Variants in CADM2 observed in about 807,000 individuals in gnomAD.
CADM2 encodes cell adhesion molecule 2, also known as immunoglobulin superfamily member 4D.
A neutral mutation model predicts 49.8 loss-of-function variants in CADM2; 12 were observed. The observed-to-expected ratio is 0.24, with a 90% confidence interval of 0.15 to 0.39. The LOEUF is 0.39. Ranked by LOEUF, CADM2 falls within the 10% of genes least tolerant of loss-of-function variation. The pLI is 1.00. For missense variants in CADM2, 378 were observed against 492.3 expected (o/e 0.77, Z 2.20); for synonymous variants, 214 against 175.4 (o/e 1.22, Z -1.74).
intron 1 of CADM2, among the ~76,000 whole-genome samples, chr3:85,262,165 A>C (rs1393688259): frequency 6.6e-6 from 1 of 152,128 alleles, no homozygotes; most frequent in Non-Finnish European, 1.5e-5. Context: ...ACCATATTAA[A>C]TTTCAGGGAA....
At chr3:85,985,098 C>T (rs1020656176) in intron 8 of CADM2, among the ~76,000 whole-genome samples, 3 of 151,816 alleles carry the variant, frequency 2.0e-5, no homozygotes, top group African/African-American at 7.3e-5. Context: ...GTTTGGGGTG[C>T]TATAATGAAA....
intron 1 of CADM2, among the ~76,000 whole-genome samples, chr3:84,961,662 C>T (rs781596192): frequency 9.9e-5 from 15 of 151,768 alleles, no homozygotes; most frequent in Non-Finnish European, 1.8e-4. Context: ...CGGCGTGTGC[C>T]GTGTTGGGGG....
chr3:85,307,361 A>T (rs989778364), intron 1 of CADM2, among the ~76,000 whole-genome samples: 3 of 151,670 alleles, frequency 2.0e-5, no homozygotes, highest in Non-Finnish European at 4.4e-5. Context: ...ACTTGGCCTG[A>T]TGAAAGAGTG....
At chr3:85,385,800 C>CTTTTTTTTTT (rs3086134) in intron 1 of CADM2, 1 of 127,506 alleles carries the variant, frequency 7.8e-6, no homozygotes. Context: ...TTCTCTCTCT[C>CTTTTTTTTTT]TTTTTTTTTT....
At chr3:85,801,205 G>A (rs2072007890) in intron 2 of CADM2, among the ~76,000 whole-genome samples, 1 of 151,918 alleles carries the variant, frequency 6.6e-6, no homozygotes, top group Non-Finnish European at 1.5e-5. Flanking sequence ...ACTATTAGAA[G>A]TGCACTTATT....
chr3:85,104,603 G>A (rs1032053156), intron 1 of CADM2, among the ~76,000 whole-genome samples: 10 of 152,102 alleles, frequency 6.6e-5, no homozygotes, highest in Admixed American at 1.3e-4. Flanking sequence ...CCAATTCTGT[G>A]AAGAAAGTCA....
chr3:85,808,812 A>G (rs2072625515), intron 3 of CADM2, among the ~76,000 whole-genome samples: 1 of 152,198 alleles, frequency 6.6e-6, no homozygotes, highest in Non-Finnish European at 1.5e-5. Context: ...TTAGCCAATT[A>G]TTCTAATAAT....
At chr3:85,636,369 G>A (rs971721521) in intron 1 of CADM2, among the ~76,000 whole-genome samples, 2 of 151,834 alleles carry the variant, frequency 1.3e-5, no homozygotes, top group African/African-American at 4.8e-5. Context: ...ATGAAAAATT[G>A]AAAAAAGCTT....
intron 1 of CADM2, among the ~76,000 whole-genome samples, chr3:85,292,758 C>T (rs2043838056): frequency 6.6e-6 from 1 of 152,130 alleles, no homozygotes; most frequent in African/African-American, 2.4e-5. Context: ...AAAGACACAA[C>T]ATACCAGAAT....
chr3:85,855,997 G>T (rs1283062861), intron 3 of CADM2, among the ~76,000 whole-genome samples: 1 of 152,092 alleles, frequency 6.6e-6, no homozygotes, highest in East Asian at 1.9e-4. Flanking sequence ...ATGCAGCATT[G>T]CATTAGTTCA....
chr3:85,580,581 G>T (rs2062766349), intron 1 of CADM2, among the ~76,000 whole-genome samples: 3 of 152,118 alleles, frequency 2.0e-5, no homozygotes, highest in African/African-American at 7.2e-5. Flanking sequence ...TTCAAATATA[G>T]ATATGATTTA....
At chr3:85,800,022 T>C (rs1334530729) in intron 2 of CADM2, 2 of 152,404 alleles carry the variant, frequency 1.3e-5, no homozygotes, top group East Asian at 1.9e-4. Context: ...CTCAGGAAGA[T>C]GGAAGTTTCA....
intron 1 of CADM2, among the ~76,000 whole-genome samples, chr3:85,315,324 C>G (rs1358091560): frequency 6.6e-6 from 1 of 152,240 alleles, no homozygotes; most frequent in East Asian, 1.9e-4. Context: ...ATGACATCAT[C>G]TTGACGAATA....
intron 1 of CADM2, among the ~76,000 whole-genome samples, chr3:85,399,631 A>G (rs377098709): frequency 6.6e-6 from 1 of 152,038 alleles, no homozygotes; most frequent in South Asian, 2.1e-4. Flanking sequence ...TTCCATTTGT[A>G]TGTGTCCTCT....
At chr3:85,031,744 T>A (rs920179856) in intron 1 of CADM2, among the ~76,000 whole-genome samples, 1 of 151,968 alleles carries the variant, frequency 6.6e-6, no homozygotes, top group East Asian at 1.9e-4. Context: ...ATGGTCTCGA[T>A]CTGCTGACCT....
chr3:85,993,816 G>T (rs960560301), intron 8 of CADM2: 2 of 151,716 alleles, frequency 1.3e-5, no homozygotes, highest in South Asian at 4.1e-4. Flanking sequence ...TGAGCAGTAG[G>T]TCTCAGTCTC....
At chr3:85,865,611 GA>G (rs966515187) in intron 3 of CADM2, among the ~76,000 whole-genome samples, 5 of 152,050 alleles carry the variant, frequency 3.3e-5, no homozygotes, top group African/African-American at 4.8e-5. Context: ...TTTACATGTG[GA>G]AAAAAAGTTT....
intron 6 of CADM2, among the ~76,000 whole-genome samples, chr3:85,915,266 A>G (rs1478594353): frequency 6.6e-6 from 1 of 152,172 alleles, no homozygotes. Flanking sequence ...TACATTAAAA[A>G]TGTTACACTT....
intron 1 of CADM2, among the ~76,000 whole-genome samples, chr3:85,598,926 A>AAT (rs2063323673): frequency 6.6e-6 from 1 of 151,748 alleles, no homozygotes; most frequent in Non-Finnish European, 1.5e-5. Context: ...AGGCATTATC[A>AAT]ATATATATAG....
Sources: allele counts gnomAD v4.1 joint callset (sites outside exome capture counted in the v4.1 genomes callset), GRCh38; gene constraint gnomAD v4.1.1; transcripts MANE v1.5; gene names NCBI Gene and HGNC (gene_info 2026-07-23, HGNC 2026-07-21).